PCDHGA1: variants seen among roughly 807,000 people sequenced by gnomAD.
The protein encoded by PCDHGA1 is protocadherin gamma-A1.
A neutral mutation model predicts 58.0 loss-of-function variants in PCDHGA1; 32 were observed. The observed-to-expected ratio is 0.55, with a 90% CI of 0.42 to 0.74. The LOEUF is 0.74. Among genes scored for constraint, PCDHGA1 ranks in the 30% least tolerant of loss-of-function variants. PCDHGA1 has a pLI of 0.00. For missense variants in PCDHGA1, 1,205 were observed against 1,182.3 expected (o/e 1.02, Z -0.28); for synonymous variants, 498 against 501.1 (o/e 0.99, Z 0.08).
rs112156044 is a variant in PCDHGA1, at chr5:141,476,771, G to C, written c.2422-18036G>C. ...CCAGTTAGTGCTGACGGCGTTGGAC[G>C]GAGGGACCCCAGCTCTCTCCGCCAG... On this transcript the variant is annotated intron_variant, in intron 1 of 3. Coordinates refer to ENST00000517417, the MANE Select transcript of PCDHGA1 (RefSeq NM_018912.3). The surrounding 1 kb of genome is among the most constrained non-coding windows in gnomAD (Gnocchi z 7.6). 1.1e-5 allele frequency: 18 copies of C among 1,613,700 alleles called. 1 individual carries two copies. In the South Asian group the frequency reaches 1.3e-4, roughly 12 times the overall value.
Position 141,491,274 on chromosome 5 carries a change from T to C in PCDHGA1, c.2422-3533T>C, listed in dbSNP as rs2099710140. On this transcript the variant is annotated intron_variant, in intron 1 of 3. Transcript: ENST00000517417. The surrounding 1 kb of genome is among the most constrained non-coding windows in gnomAD (Gnocchi z 6.9). ...ACCCTGAGGAAATGCCCAAATCCAG[T>C]GACTTCCTCATACACCCTCCTGAGC... The C allele has an allele frequency of 6.2e-7, 1 of 1,614,102 alleles. No individual in the cohort carries two copies. Among genetic ancestry groups the C allele is most frequent in the Non-Finnish European group, 8.5e-7 (1 of 1,179,914 alleles).
At chr5:141,501,329 ACACAC>A (rs1562200854) in intron 2 of PCDHGA1, among the ~76,000 whole-genome samples, 2 of 148,226 alleles carry the variant, frequency 1.3e-5, no homozygotes, top group Non-Finnish European at 3.0e-5. Flanking sequence ...ACACACACAC[ACACAC>A]CCCAAACTCA....
At chr5:141,358,557 C>T (rs1760945843) in intron 1 of PCDHGA1, among the ~76,000 whole-genome samples, 1 of 152,182 alleles carries the variant, frequency 6.6e-6, no homozygotes, top group Non-Finnish European at 1.5e-5. Context: ...TTCTGAGATG[C>T]ACCAGAAGTG....
chr5:141,438,631 TATATACACACAC>T (rs1290318462), intron 1 of PCDHGA1, among the ~76,000 whole-genome samples: 214 of 43,192 alleles, frequency 5.0e-3, no homozygotes, highest in Non-Finnish European at 6.1e-3. Flanking sequence ...TATATATATA[TATATACACACAC>T]ACACACACAT....
chr5:141,404,490 T>G lies in PCDHGA1; in HGVS notation c.2421+71385T>G, dbSNP rs748668164. On this transcript the variant is annotated intron_variant, in intron 1 of 3. Transcript: ENST00000517417. Reference sequence around the variant, plus strand: ...GTCTCTATTAACTCAGACACTGGTGTGCTGTATGCTCTGTGCTCCTTTGAC... The same window carrying G: ...GTCTCTATTAACTCAGACACTGGTGGGCTGTATGCTCTGTGCTCCTTTGAC... 10 of 1,613,632 alleles carry G rather than the reference T, an allele frequency of 6.2e-6. No homozygotes were observed. The Admixed American group carries it at 1.2e-4, about 19-fold the overall frequency.
At position 141,340,408 on chromosome 5, in the gene PCDHGA1, C is replaced by T. The variant is rs141955016; in HGVS notation, c.2421+7303C>T. The T allele has an allele frequency of 7.5e-3, 12,117 of 1,614,160 alleles. 73 individuals are homozygous for T. Among genetic ancestry groups the T allele is most frequent in the Non-Finnish European group, 8.4e-3 (9,933 of 1,180,032 alleles). ...TCTTCTCAGTGACGGCCCATGACCCCGACAGCAACGACAATGCTCATGTAA... is the reference window on the plus strand; with the variant it reads ...TCTTCTCAGTGACGGCCCATGACCCTGACAGCAACGACAATGCTCATGTAA... On this transcript the variant is annotated intron_variant, in intron 1 of 3. Coordinates refer to ENST00000517417, the MANE Select transcript of PCDHGA1 (RefSeq NM_018912.3).
At chr5:141,366,743 C>G (rs561614642) in intron 1 of PCDHGA1, 2 of 1,611,598 alleles carry the variant, frequency 1.2e-6, no homozygotes, top group East Asian at 4.5e-5. Flanking sequence ...AGAAGAACGG[C>G]GAGTTCAGGT....
intron 1 of PCDHGA1, chr5:141,410,123 C>A: frequency 1.2e-6 from 2 of 1,612,780 alleles, no homozygotes; most frequent in Non-Finnish European, 1.7e-6. Flanking sequence ...AGCCCGCCAG[C>A]GCCTGCTGGT....
At chr5:141,355,552 C>T (rs182004159) in intron 1 of PCDHGA1, 1 of 1,613,938 alleles carries the variant, frequency 6.2e-7, no homozygotes. Flanking sequence ...GAAGATTTTG[C>T]GGGTAGAGGT....
intron 3 of PCDHGA1, among the ~76,000 whole-genome samples, chr5:141,510,230 G>A (rs1285202719): frequency 2.7e-5 from 4 of 149,638 alleles, no homozygotes; most frequent in Non-Finnish European, 5.9e-5. Context: ...CCGGGATCGC[G>A]CCACTGCACT....
chr5:141,344,637 C>G (rs531413275), intron 1 of PCDHGA1: 1 of 1,613,842 alleles, frequency 6.2e-7, no homozygotes, highest in African/African-American at 1.3e-5. Context: ...GGCCCTGGAC[C>G]GTGAGAAAAA....
intron 1 of PCDHGA1, chr5:141,395,410 A>G: frequency 1.2e-6 from 1 of 801,764 alleles, no homozygotes; most frequent in Non-Finnish European, 1.9e-6. Context: ...GTCATAGGTT[A>G]TTGTTTCATT....
In PCDHGA1 at chr5:141,476,784, C is replaced by A; in HGVS notation, c.2422-18023C>A. 1 of 1,613,520 alleles carries A rather than the reference C, an allele frequency of 6.2e-7. No homozygotes were observed. On this transcript the variant is annotated intron_variant, in intron 1 of 3. Transcript: ENST00000517417. The surrounding 1 kb of genome is among the most constrained non-coding windows in gnomAD (Gnocchi z 7.6). ...ACGGCGTTGGACGGAGGGACCCCAGCTCTCTCCGCCAGCCTGCCTATTCAC... is the reference window on the plus strand; with the variant it reads ...ACGGCGTTGGACGGAGGGACCCCAGATCTCTCCGCCAGCCTGCCTATTCAC...
At position 141,511,187 on chromosome 5, in the gene PCDHGA1, C is replaced by T; in HGVS notation, c.*14C>T. The stretch of plus-strand genomic sequence containing the variant: ...GAGAAGAAGTAACATGGAGGCCAGG[C>T]CAAGAGCCACAGGGCGGCCTCTCCC... On this transcript the variant is annotated 3_prime_UTR_variant, in exon 4 of 4. Transcript: ENST00000517417. The T allele has an allele frequency of 1.2e-6, 2 of 1,613,868 alleles. No homozygotes were observed. The highest frequency in any genetic ancestry group is 1.7e-6 in the Non-Finnish European group (2 of 1,179,878).
intron 1 of PCDHGA1, chr5:141,351,581 A>G (rs1327438256): frequency 1.2e-6 from 2 of 1,614,024 alleles, no homozygotes; most frequent in Admixed American, 1.7e-5. Context: ...CATCTCCGAC[A>G]TCAACGACAA....
chr5:141,372,789 A>G (rs1769071536), intron 1 of PCDHGA1: 2 of 1,601,162 alleles, frequency 1.2e-6, no homozygotes, highest in Non-Finnish European at 8.5e-7. Flanking sequence ...AATGCCTTCT[A>G]ATTCAGGCAA....
intron 1 of PCDHGA1, chr5:141,418,140 A>C (rs1487263767): frequency 6.2e-7 from 1 of 1,613,986 alleles, no homozygotes; most frequent in African/African-American, 1.3e-5. Context: ...GACCGTGAGC[A>C]AATATGCAAA....
At chr5:141,378,836 C>T (rs912790603) in intron 1 of PCDHGA1, 1 of 152,138 alleles carries the variant, frequency 6.6e-6, no homozygotes, top group African/African-American at 2.4e-5. Flanking sequence ...CAGAAAACAG[C>T]AGAGTTTTTG....
At chr5:141,341,655 T>C in intron 1 of PCDHGA1, 1 of 668,116 alleles carries the variant, frequency 1.5e-6, no homozygotes, top group Non-Finnish European at 2.4e-6. Context: ...CATTAGGAAC[T>C]AGGGTGTCTG....
Sources: allele counts gnomAD v4.1 joint callset (sites outside exome capture counted in the v4.1 genomes callset), GRCh38; gene constraint gnomAD v4.1.1; non-coding constraint Gnocchi (gnomAD v3.1); transcripts MANE v1.5; gene names NCBI Gene and HGNC (gene_info 2026-07-23, HGNC 2026-07-21).